The following DOCK3 variants were observed in gnomAD, a reference collection of about 807,000 sequenced individuals.
DOCK3 encodes the protein dedicator of cytokinesis protein 3.
In DOCK3, 60 loss-of-function variants were observed where a neutral mutation model predicts 265.6. The ratio of observed to expected loss-of-function variants is 0.23; its 90% CI spans 0.18 to 0.28. The LOEUF (loss-of-function observed/expected upper bound fraction) is 0.28, where lower values mean the gene tolerates loss of function less well. Ranked by LOEUF, DOCK3 falls within the 10% of genes least tolerant of loss-of-function variation. The pLI is 1.00. For synonymous variants in DOCK3, 881 were observed against 938.0 expected, an observed-to-expected ratio of 0.94 and a Z score of 1.11; for missense variants, 1,981 against 2,594.3, an observed-to-expected ratio of 0.76 and a Z score of 5.14.
chr3:51,105,041 C>T (rs1198184686), intron 9 of DOCK3, among the ~76,000 whole-genome samples: 3 of 152,072 alleles, frequency 2.0e-5, no homozygotes, highest in Non-Finnish European at 2.9e-5. Context: ...CTAATCTTTG[C>T]AGTGAGGGGC....
intron 6 of DOCK3, among the ~76,000 whole-genome samples, chr3:51,074,897 C>G (rs1270260731): frequency 6.6e-6 from 1 of 152,058 alleles, no homozygotes; most frequent in African/African-American, 2.4e-5. Context: ...AAAGATACAT[C>G]TCTTTGCATT....
intron 10 of DOCK3, among the ~76,000 whole-genome samples, chr3:51,158,224 AT>A (rs1341724917): frequency 6.6e-6 from 1 of 152,228 alleles, no homozygotes; most frequent in Non-Finnish European, 1.5e-5. Context: ...ATCAACAAAC[AT>A]TTCAACATAT....
At position 50,965,378 on chromosome 3, in the gene DOCK3, G is replaced by A. The variant is rs188772475; in HGVS notation, c.315+31301G>A. Among the ~76,000 whole-genome samples, 254 of 150,604 alleles carry A rather than the reference G, an allele frequency of 1.7e-3. 2 individuals are homozygous for A. Among genetic ancestry groups the A allele is most frequent in the East Asian group, 7.9e-3 (41 of 5,164 alleles). The stretch of plus-strand genomic sequence containing the variant: ...ACCTCAGCATTCACCTTAGGAAAAC[G>A]GAAAAAGAGCAAATTAATTCCTAAG... On this transcript the variant is annotated intron_variant, in intron 5 of 52. Coordinates refer to ENST00000266037, the MANE Select transcript of DOCK3 (RefSeq NM_004947.5).
intron 2 of DOCK3, among the ~76,000 whole-genome samples, chr3:50,790,902 CATGA>C (rs2042440283): frequency 6.6e-6 from 1 of 152,110 alleles, no homozygotes; most frequent in African/African-American, 2.4e-5. Context: ...TTCTTGGCCA[CATGA>C]ATGTCTTTTT....
chr3:50,956,785 G>A (rs2076742159), intron 5 of DOCK3, among the ~76,000 whole-genome samples: 1 of 152,210 alleles, frequency 6.6e-6, no homozygotes. Context: ...CTATTAAAAT[G>A]AACAAATTCA....
At chr3:51,108,390 G>A (rs527375049) in intron 9 of DOCK3, among the ~76,000 whole-genome samples, 2 of 152,258 alleles carry the variant, frequency 1.3e-5, no homozygotes, top group South Asian at 2.1e-4. Context: ...TCTAAACGAA[G>A]CACTAAATAT....
intron 1 of DOCK3, among the ~76,000 whole-genome samples, chr3:50,744,477 C>A (rs976085055): frequency 2.0e-5 from 3 of 150,808 alleles, no homozygotes; most frequent in Non-Finnish European, 4.4e-5. Flanking sequence ...CTTTGTCACC[C>A]AGGGTGGAGT....
At chr3:50,827,933 AG>A (rs2044866793) in intron 2 of DOCK3, among the ~76,000 whole-genome samples, 3 of 149,648 alleles carry the variant, frequency 2.0e-5, no homozygotes, top group South Asian at 4.2e-4. Flanking sequence ...ATTATCCTAG[AG>A]TTTGAAACAT....
In DOCK3 at chr3:51,090,355, A is replaced by T. The variant is rs559628209; in HGVS notation, c.717A>T (p.Leu239Phe). ...IGEDTDVFFSLYDMREGKQIS... is the reference protein window; with the variant it reads ...IGEDTDVFFSFYDMREGKQIS... ...AAGATACCGATGTCTTCTTTTCCTTATATGACATGAGGGAAGGCAAGCAGA... is the reference window on the plus strand; with the variant it reads ...AAGATACCGATGTCTTCTTTTCCTTTTATGACATGAGGGAAGGCAAGCAGA... Residue 239 changes from leucine (L) to phenylalanine (F), a missense_variant, in exon 9 of 53, where the codon TTA (leucine) becomes TTT (phenylalanine). Leu to Phe is a conservative substitution (Grantham distance 22). This residue lies in a region of DOCK3 where 456 missense variants were observed against 539.0 expected (regional missense o/e 0.85). Transcript: ENST00000266037. 1.2e-6 allele frequency: 2 copies of T among 1,606,690 alleles called. No homozygotes were observed. Among genetic ancestry groups the T allele is most frequent in the Admixed American group, 3.4e-5 (2 of 58,998 alleles).
At chr3:50,859,319 G>C (rs180857982) in intron 3 of DOCK3, among the ~76,000 whole-genome samples, 18 of 146,554 alleles carry the variant, frequency 1.2e-4, no homozygotes, top group African/African-American at 4.5e-4. Context: ...AGGTTTAAGC[G>C]ATTCTCTCCT....
intron 1 of DOCK3, among the ~76,000 whole-genome samples, chr3:50,727,435 C>T (rs980855962): frequency 2.0e-5 from 3 of 152,068 alleles, no homozygotes; most frequent in Non-Finnish European, 2.9e-5. Flanking sequence ...TGGTGGCTCA[C>T]GCCTGTAATT....
intron 1 of DOCK3, among the ~76,000 whole-genome samples, chr3:50,772,793 A>G (rs1016156538): frequency 7.2e-5 from 11 of 152,192 alleles, no homozygotes; most frequent in African/African-American, 2.7e-4. Context: ...TGAAGAGGAC[A>G]CACATAAATG....
intron 3 of DOCK3, among the ~76,000 whole-genome samples, chr3:50,852,539 T>C (rs1243639145): frequency 6.6e-6 from 1 of 152,202 alleles, no homozygotes; most frequent in Non-Finnish European, 1.5e-5. Flanking sequence ...AAGAAATCTG[T>C]CCACTTTACA....
intron 25 of DOCK3, 128 bp downstream of exon 25, chr3:51,275,334 A>AAGGT (rs2080755066): frequency 7.1e-7 from 1 of 1,406,332 alleles, no homozygotes. Flanking sequence ...CAGTGACAGG[A>AAGGT]AGGTGCCCAA....
intron 9 of DOCK3, among the ~76,000 whole-genome samples, chr3:51,097,877 C>T (rs149808449): frequency 1.3e-5 from 2 of 152,352 alleles, no homozygotes; most frequent in Non-Finnish European, 2.9e-5. Context: ...AGTTCCCTGA[C>T]TCCTTGTGCT....
intron 14 of DOCK3, among the ~76,000 whole-genome samples, chr3:51,221,653 T>G (rs1296781452): frequency 6.6e-6 from 1 of 152,128 alleles, no homozygotes; most frequent in Non-Finnish European, 1.5e-5. Context: ...AAAAAAAAAC[T>G]CAAATCGTTC....
chr3:50,889,482 G>T (rs1025520168), intron 3 of DOCK3, among the ~76,000 whole-genome samples: 4 of 149,450 alleles, frequency 2.7e-5, no homozygotes, highest in Non-Finnish European at 5.9e-5. Context: ...TTTTAAATAC[G>T]CTACTTATTC....
At chr3:51,037,759 A>C (rs1296918829) in intron 5 of DOCK3, among the ~76,000 whole-genome samples, 1 of 152,198 alleles carries the variant, frequency 6.6e-6, no homozygotes, top group Non-Finnish European at 1.5e-5. Context: ...ATGCCTTAGA[A>C]GACAGTCTTT....
At chr3:51,344,810 A>G (rs964603057) in intron 38 of DOCK3, among the ~76,000 whole-genome samples, 1 of 152,202 alleles carries the variant, frequency 6.6e-6, no homozygotes, top group Non-Finnish European at 1.5e-5. Context: ...AAAGCCCCCA[A>G]GCCCACCAGT....
Sources: gnomAD v4.1 joint callset for allele counts (sites outside exome capture counted in the v4.1 genomes callset) on GRCh38, gnomAD v4.1.1 for gene constraint, gnomAD v4.1.1 regional missense constraint, MANE v1.5 for transcripts, NCBI Gene and HGNC (gene_info 2026-07-23, HGNC 2026-07-21) for gene names.